Variants in NUP93 observed in about 807,000 individuals in gnomAD.
NUP93 encodes nuclear pore complex protein Nup93.
Under a neutral mutation model 107.8 loss-of-function variants are expected in NUP93, and 55 were observed. That is an observed-to-expected ratio of 0.51 (90% confidence interval 0.41 to 0.64). The LOEUF is 0.64. Ranked by LOEUF, NUP93 falls within the 30% of genes least tolerant of loss-of-function variation. NUP93 has a pLI of 0.00. For synonymous variants in NUP93, 390 were observed against 397.5 expected (o/e 0.98, Z 0.22); for missense variants, 937 against 1,044.7 (o/e 0.90, Z 1.42).
rs550106568 is a variant in NUP93 at position 56,849,051 on chromosome 16, T to G, written c.*4442T>G. 3 of 152,218 alleles carry G rather than the reference T, an allele frequency of 2.0e-5. No individual in the cohort carries two copies. The highest frequency in any genetic ancestry group is 2.0e-4 in the Admixed American group (3 of 15,286). The allele number at this position is 152,218 out of a possible 1,614,324, so 9.4% of individuals were successfully genotyped here. A position where few individuals can be genotyped will look rare whatever the true frequency, so the allele number is the denominator to read the frequency against. On this transcript the variant is annotated 3_prime_UTR_variant, in exon 22 of 22. Coordinates refer to ENST00000308159, the MANE Select transcript of NUP93 (RefSeq NM_014669.5). ...CCCACAGTAGATTGCTCAGCAGATA[T>G]TTGAATGAGCAGATGCTTTGCTTTG...
At chr16:56,760,077 A>G (rs2144484869) in intron 3 of NUP93, among the ~76,000 whole-genome samples, 1 of 152,340 alleles carries the variant, frequency 6.6e-6, no homozygotes, top group South Asian at 2.1e-4. Context: ...TAATGGAAGA[A>G]TACTCTCCTT....
rs77994098 is a variant in NUP93 at position 56,833,977 on chromosome 16, A to G, written c.1538-151A>G. 1,836 of 1,031,934 alleles carry G rather than the reference A, an allele frequency of 1.8e-3. 28 individuals carry two copies. In the African/African-American group the frequency reaches 0.026, roughly 15 times the overall value. The allele number at this position is 1,031,934 out of a possible 1,614,324, so 63.9% of individuals were successfully genotyped here. On this transcript the variant is annotated intron_variant, in intron 13 of 21. Coordinates refer to ENST00000308159, the MANE Select transcript of NUP93 (RefSeq NM_014669.5). ...GGGATGAATTGAGGATAGGATGGTAAAAGGGACTGGCCAAAGCTTATATTA... is the reference window on the plus strand; with the variant it reads ...GGGATGAATTGAGGATAGGATGGTAGAAGGGACTGGCCAAAGCTTATATTA...
At chr16:56,737,418 A>G (rs756434643) in intron 1 of NUP93, among the ~76,000 whole-genome samples, 16 of 152,134 alleles carry the variant, frequency 1.1e-4, no homozygotes, top group Non-Finnish European at 2.1e-4. Context: ...CCCATCTCCA[A>G]ATAGCATCAC....
intron 2 of NUP93, among the ~76,000 whole-genome samples, chr16:56,756,842 G>A (rs1251377449): frequency 6.6e-6 from 1 of 152,074 alleles, no homozygotes; most frequent in Non-Finnish European, 1.5e-5. Context: ...ATTCTGATTG[G>A]CATGAGATGG....
At chr16:56,777,310 C>T (rs746445950) in intron 3 of NUP93, among the ~76,000 whole-genome samples, 3 of 152,182 alleles carry the variant, frequency 2.0e-5, no homozygotes, top group Non-Finnish European at 2.9e-5. Flanking sequence ...CACTTATAAA[C>T]CCTGCTCTCA....
chr16:56,805,832 G>T, intron 5 of NUP93, 200 bp downstream of exon 5: 3 of 579,392 alleles, frequency 5.2e-6, no homozygotes, highest in Non-Finnish European at 6.1e-6. Flanking sequence ...CCTTTGCTGA[G>T]CTTTCCTCAA....
rs929602914 is a variant in NUP93, at chr16:56,769,512, A to G, written c.297+10857A>G. ...CCAGGTGCTTGCTTTTTTTTGCCAT[A>G]GTTTTCTGCTTGCTGAGCTGTCAGT... is the stretch of plus-strand genomic sequence containing the variant. On this transcript the variant is annotated intron_variant, in intron 3 of 21. Coordinates refer to ENST00000308159, the MANE Select transcript of NUP93 (RefSeq NM_014669.5). 1.3e-4 allele frequency among the ~76,000 whole-genome samples: 20 copies of G among 151,978 alleles called. 2 individuals are homozygous for G. Among genetic ancestry groups the G allele is most frequent in the Admixed American group, 1.2e-3 (18 of 15,260 alleles).
chr16:56,768,725 G>C (rs1962263162), intron 3 of NUP93, among the ~76,000 whole-genome samples: 1 of 151,498 alleles, frequency 6.6e-6, no homozygotes, highest in African/African-American at 2.4e-5. Flanking sequence ...AAATTAGCCT[G>C]GTGTGGTGGC....
rs1258868027 is a variant in NUP93, at chr16:56,832,317, A to T, written c.1274A>T (p.Asp425Val). Residue 425 changes from aspartate to valine, a missense_variant, in exon 12 of 22, where the codon GAC becomes GTC. Physicochemically the swap from Asp to Val is radical, Grantham distance 152. Transcript: ENST00000308159. ...TAGTTGAACCAAGTGTGTTTTGACG[A>T]CGATGGCACCAGCTCCCCACAAGAC... ...WLKLNQVCFD[D>V]DGTSSPQDRL... The T allele has an allele frequency of 3.1e-6, 5 of 1,614,028 alleles. No homozygotes were observed. In the East Asian group the frequency reaches 1.1e-4, roughly 36 times the overall value.
intron 1 of NUP93, among the ~76,000 whole-genome samples, chr16:56,738,235 A>G (rs1264460301): frequency 6.6e-6 from 1 of 152,218 alleles, no homozygotes; most frequent in African/African-American, 2.4e-5. Flanking sequence ...CGTGGGATGG[A>G]GCCAAGCTGT....
chr16:56,761,711 A>C lies in NUP93; in HGVS notation c.297+3056A>C, dbSNP rs534746744. ...CAAGTACCGTCCAGGACTTTGTACT[A>C]TCCATCGTTTGCATTACTTATAAGC... On this transcript the variant is annotated intron_variant, in intron 3 of 21. Coordinates refer to ENST00000308159, the MANE Select transcript of NUP93 (RefSeq NM_014669.5). 7.9e-5 allele frequency among the ~76,000 whole-genome samples: 12 copies of C among 152,356 alleles called. No homozygotes were observed. The East Asian group carries it at 2.3e-3, about 29-fold the overall frequency.
chr16:56,779,231 A>C (rs1463712626), intron 3 of NUP93, among the ~76,000 whole-genome samples: 2 of 152,206 alleles, frequency 1.3e-5, no homozygotes. Flanking sequence ...AGAGCCCTAC[A>C]GTTGTTCACT....
chr16:56,823,623 C>A, intron 7 of NUP93, 84 bp from the exon 8 acceptor site: 1 of 1,490,278 alleles, frequency 6.7e-7, no homozygotes, highest in Admixed American at 1.7e-5. Flanking sequence ...CATTCTGCCC[C>A]CTTTGGAGGT....
chr16:56,758,086 T>TG (rs1962058866), intron 2 of NUP93, among the ~76,000 whole-genome samples: 2 of 148,348 alleles, frequency 1.3e-5, no homozygotes, highest in Non-Finnish European at 3.0e-5. Flanking sequence ...AAAAAAAAAG[T>TG]TGGGGGGAGC....
intron 3 of NUP93, among the ~76,000 whole-genome samples, chr16:56,788,465 A>G (rs567393405): frequency 7.2e-4 from 109 of 152,330 alleles, no homozygotes; most frequent in African/African-American, 2.4e-3. Context: ...TCTGCTGAGA[A>G]GCATTTTTTC....
At chr16:56,742,615 GAAGAAGTT>G (rs1315432041) in intron 1 of NUP93, among the ~76,000 whole-genome samples, 1 of 152,238 alleles carries the variant, frequency 6.6e-6, no homozygotes, top group African/African-American at 2.4e-5. Flanking sequence ...TCCTTTTACA[GAAGAAGTT>G]TGCTCACTCT....
In NUP93 at chr16:56,756,227, T is replaced by C. The variant is rs933784655; in HGVS notation, c.180-2311T>C. On this transcript the variant is annotated intron_variant, in intron 2 of 21. Coordinates refer to ENST00000308159, the MANE Select transcript of NUP93 (RefSeq NM_014669.5). ...GTGCCATGGTGGTTTGCCACACTTA[T>C]CAACCTGTCATCTAGGTTTTAAGGC... 1.2e-4 allele frequency among the ~76,000 whole-genome samples: 18 copies of C among 150,156 alleles called. No homozygotes were observed. In the East Asian group the frequency reaches 1.6e-3, roughly 13 times the overall value.
At chr16:56,736,468 C>T (rs1473377433) in intron 1 of NUP93, among the ~76,000 whole-genome samples, 4 of 152,128 alleles carry the variant, frequency 2.6e-5, no homozygotes, top group Non-Finnish European at 5.9e-5. Context: ...ATGAGGAATA[C>T]CTGCCTGCTT....
intron 13 of NUP93, 124 bp from the exon 14 acceptor site, chr16:56,834,004 C>G: frequency 7.2e-7 from 1 of 1,380,994 alleles, no homozygotes; most frequent in Non-Finnish European, 1.0e-6. Flanking sequence ...CTTATATTAG[C>G]AAACTTTGAC....
Sources: allele counts gnomAD v4.1 joint callset (sites outside exome capture counted in the v4.1 genomes callset), GRCh38; gene constraint gnomAD v4.1.1; transcripts MANE v1.5; gene names NCBI Gene and HGNC (gene_info 2026-07-23, HGNC 2026-07-21).